SLIT2: variants seen among roughly 807,000 people sequenced by gnomAD.
The protein encoded by SLIT2 is slit guidance ligand 2.
SLIT2 carries 41 observed loss-of-function variants against 185.7 expected under a neutral mutation model. That is an observed-to-expected ratio of 0.22 (90% CI 0.17 to 0.29). The LOEUF (loss-of-function observed/expected upper bound fraction) is 0.29, where lower values mean the gene tolerates loss of function less well. Among genes scored for constraint, SLIT2 ranks in the 10% least tolerant of loss-of-function variants. SLIT2 has a pLI of 1.00. For synonymous variants in SLIT2, 693 were observed against 680.2 expected (o/e 1.02, Z -0.29); for missense variants, 1,571 against 1,909.0 (o/e 0.82, Z 3.30).
chr4:20,392,383 A>G (rs1725496046), intron 4 of SLIT2: 2 of 152,094 alleles, frequency 1.3e-5, no homozygotes, highest in Non-Finnish European at 1.5e-5. Flanking sequence ...TGAGGCTTGG[A>G]GGACTGGAAA....
At chr4:20,481,211 A>G (rs975503262) in intron 6 of SLIT2, among the ~76,000 whole-genome samples, 2 of 152,116 alleles carry the variant, frequency 1.3e-5, no homozygotes, top group Non-Finnish European at 2.9e-5. Flanking sequence ...ATTTAACATT[A>G]TTTTTGTAAG....
At chr4:20,475,647 G>A (rs1383000786) in intron 5 of SLIT2, among the ~76,000 whole-genome samples, 1 of 151,512 alleles carries the variant, frequency 6.6e-6, no homozygotes, top group African/African-American at 2.4e-5. Flanking sequence ...GTTATCATGA[G>A]GAATAATAAG....
chr4:20,416,514 A>G lies in SLIT2; in HGVS notation c.396-51238A>G, dbSNP rs749792116. Reference sequence around the variant, plus strand: ...GGGGAGACACAATTTAATCCATAAAACCCTCTTTTGTGTAATGATTCTGAG... The same window carrying G: ...GGGGAGACACAATTTAATCCATAAAGCCCTCTTTTGTGTAATGATTCTGAG... On this transcript the variant is annotated intron_variant, in intron 4 of 36. Transcript: ENST00000504154. 8.6e-5 allele frequency among the ~76,000 whole-genome samples: 13 copies of G among 151,904 alleles called. No individual in the cohort carries two copies. The South Asian group carries it at 1.9e-3, about 22-fold the overall frequency.
chr4:20,397,249 A>G (rs933566326), intron 4 of SLIT2, among the ~76,000 whole-genome samples: 2 of 151,836 alleles, frequency 1.3e-5, no homozygotes, highest in East Asian at 3.9e-4. Context: ...ACTAACTTTC[A>G]CAAAATCATT....
intron 4 of SLIT2, among the ~76,000 whole-genome samples, chr4:20,376,252 C>T (rs923096655): frequency 1.3e-5 from 2 of 150,846 alleles, no homozygotes; most frequent in Admixed American, 6.6e-5. Flanking sequence ...GGGAACTCCA[C>T]TGTACAGTCA....
At chr4:20,301,575 T>G (rs956912436) in intron 4 of SLIT2, among the ~76,000 whole-genome samples, 2 of 152,162 alleles carry the variant, frequency 1.3e-5, no homozygotes, top group African/African-American at 4.8e-5. Context: ...AGTTAAATTA[T>G]CATGTCATGA....
chr4:20,477,432 C>T (rs925225297), intron 5 of SLIT2, among the ~76,000 whole-genome samples: 2 of 152,066 alleles, frequency 1.3e-5, no homozygotes, highest in Non-Finnish European at 2.9e-5. Context: ...CCCCTGACCT[C>T]GGGTCATCCA....
At position 20,356,953 on chromosome 4, in the gene SLIT2, G is replaced by T. The variant is rs142422359; in HGVS notation, c.395+88072G>T. On this transcript the variant is annotated intron_variant, in intron 4 of 36. Transcript: ENST00000504154. ...AAAATTACTTCTCAGTCTGTAGGGC[G>T]TGCAAGTTTAAAACAAAACAAAACA... 2.0e-3 allele frequency among the ~76,000 whole-genome samples: 304 copies of T among 152,164 alleles called. 1 individual carries two copies. Among genetic ancestry groups the T allele is most frequent in the African/African-American group, 6.9e-3 (287 of 41,522 alleles).
At chr4:20,536,480 C>T (rs545366916) in intron 18 of SLIT2, among the ~76,000 whole-genome samples, 1 of 150,408 alleles carries the variant, frequency 6.6e-6, no homozygotes, top group African/African-American at 2.4e-5. Context: ...ATTGCTTGAA[C>T]CCGGGAGGCG....
intron 4 of SLIT2, among the ~76,000 whole-genome samples, chr4:20,457,525 C>A (rs192060239): frequency 3.6e-4 from 54 of 152,106 alleles, no homozygotes; most frequent in Non-Finnish European, 6.9e-4. Context: ...AATTTAAACT[C>A]TATTGCAAGG....
chr4:20,253,602 C>A lies in SLIT2; in HGVS notation c.-214C>A. The A allele has an allele frequency of 1.7e-6, 1 of 604,056 alleles. No homozygotes were observed. Among genetic ancestry groups the A allele is most frequent in the Non-Finnish European group, 2.9e-6 (1 of 343,216 alleles). The allele number at this position is 604,056 out of a possible 1,614,324, so 37.4% of individuals were successfully genotyped here. ...AGGACCTAAAGTTGCCCAAGGAGCT[C>A]CTGCTCTGCCAGAGGAGGGTGGAGA... On this transcript the variant is annotated 5_prime_UTR_variant, in exon 1 of 37. Transcript: ENST00000504154.
chr4:20,449,331 A>G lies in SLIT2; in HGVS notation c.396-18421A>G, dbSNP rs993286004. On this transcript the variant is annotated intron_variant, in intron 4 of 36. Coordinates refer to ENST00000504154, the MANE Select transcript of SLIT2 (RefSeq NM_004787.4). Reference sequence around the variant, plus strand: ...ATGTTTTAATTGAGTTAGATTATTTAAAAACTGGAGACAATGTATTGGTTT... The same window carrying G: ...ATGTTTTAATTGAGTTAGATTATTTGAAAACTGGAGACAATGTATTGGTTT... Among the ~76,000 whole-genome samples the G allele has an allele frequency of 4.6e-5, 7 of 152,300 alleles. No homozygotes were observed. The East Asian group carries it at 1.2e-3, about 25-fold the overall frequency.
chr4:20,354,406 C>T (rs1414283009), intron 4 of SLIT2, among the ~76,000 whole-genome samples: 3 of 152,156 alleles, frequency 2.0e-5, no homozygotes, highest in East Asian at 3.9e-4. Flanking sequence ...TGAGCACTCA[C>T]TGCAAAGTCC....
At chr4:20,393,549 C>T (rs1032037745) in intron 4 of SLIT2, 1 of 151,858 alleles carries the variant, frequency 6.6e-6, no homozygotes, top group African/African-American at 2.4e-5. Context: ...ATATGTTCAC[C>T]CTCTTGGTTG....
intron 4 of SLIT2, among the ~76,000 whole-genome samples, chr4:20,284,247 A>G (rs1183390736): frequency 1.3e-5 from 2 of 152,236 alleles, no homozygotes; most frequent in Admixed American, 6.5e-5. Context: ...CTTACTTTTT[A>G]ACATAATGAA....
intron 4 of SLIT2, among the ~76,000 whole-genome samples, chr4:20,353,069 G>T (rs1047622626): frequency 6.6e-6 from 1 of 152,172 alleles, no homozygotes; most frequent in African/African-American, 2.4e-5. Flanking sequence ...TGAATTCTCA[G>T]AGTATATCAA....
At chr4:20,550,570 G>T (rs779878294) in intron 24 of SLIT2, among the ~76,000 whole-genome samples, 5 of 151,912 alleles carry the variant, frequency 3.3e-5, no homozygotes, top group Non-Finnish European at 7.4e-5. Flanking sequence ...ATAAAAGGAA[G>T]ATCTTCTTTA....
chr4:20,568,970 T>C lies in SLIT2; in HGVS notation c.3054T>C (p.Asn1018=). 1 of 1,612,616 alleles carries C rather than the reference T, an allele frequency of 6.2e-7. No homozygotes were observed. The highest frequency in any genetic ancestry group is 8.5e-7 in the Non-Finnish European group (1 of 1,178,908). Residue 1018 remains asparagine, a synonymous_variant, in exon 29 of 37, where the codon AAT becomes AAC. Coordinates refer to ENST00000504154, the MANE Select transcript of SLIT2 (RefSeq NM_004787.4). The part of the protein sequence containing the change: ...ENNSTCVDGI[N]NYTCLCPPEY... Reference sequence around the variant, plus strand: ...ATTCTACATGTGTCGATGGCATTAATAACTACACATGCCTTTGCCCACCTG... The same window carrying C: ...ATTCTACATGTGTCGATGGCATTAACAACTACACATGCCTTTGCCCACCTG...
chr4:20,407,082 A>G (rs1726832920), intron 4 of SLIT2, among the ~76,000 whole-genome samples: 1 of 152,194 alleles, frequency 6.6e-6, no homozygotes, highest in Non-Finnish European at 1.5e-5. Flanking sequence ...TTATTTCTTC[A>G]AAGTTCAAAA....
Sources: allele counts gnomAD v4.1 joint callset (sites outside exome capture counted in the v4.1 genomes callset), GRCh38; gene constraint gnomAD v4.1.1; transcripts MANE v1.5; gene names NCBI Gene and HGNC (gene_info 2026-07-23, HGNC 2026-07-21).